Variants in PCDHGB1 observed in about 807,000 individuals in gnomAD.
The protein encoded by PCDHGB1 is protocadherin gamma subfamily B, 1.
A neutral mutation model predicts 56.6 loss-of-function variants in PCDHGB1; 34 were observed. That is an observed-to-expected ratio of 0.60 (90% CI 0.46 to 0.80). The LOEUF is 0.80. PCDHGB1 is among the 30% of genes least tolerant of loss of function. PCDHGB1 has a pLI of 0.00. For missense variants in PCDHGB1, 1,278 were observed against 1,204.6 expected, an observed-to-expected ratio of 1.06 and a Z score of -0.90; for synonymous variants, 561 against 505.9, an observed-to-expected ratio of 1.11 and a Z score of -1.46.
chr5:141,422,087 G>A, intron 1 of PCDHGB1: 6 of 1,611,966 alleles, frequency 3.7e-6, no homozygotes, highest in Non-Finnish European at 5.1e-6. Context: ...AACATGGAAA[G>A]CAAGGCTTCT....
At chr5:141,359,332 G>A (rs1761178840) in intron 1 of PCDHGB1, among the ~76,000 whole-genome samples, 1 of 152,092 alleles carries the variant, frequency 6.6e-6, no homozygotes, top group Non-Finnish European at 1.5e-5. Flanking sequence ...ATATATTCCA[G>A]AATGAGAGTG....
chr5:141,381,979 G>T (rs767842302), intron 1 of PCDHGB1, among the ~76,000 whole-genome samples: 1 of 151,486 alleles, frequency 6.6e-6, no homozygotes, highest in African/African-American at 2.4e-5. Context: ...ACAGGCGCGC[G>T]CCACCACGCC....
chr5:141,440,481 T>C (rs1451820594), intron 1 of PCDHGB1: 1 of 152,196 alleles, frequency 6.6e-6, no homozygotes, highest in African/African-American at 2.4e-5. Context: ...GAAAATTCTT[T>C]AAATGTTTTT....
chr5:141,405,704 C>T (rs1589592020), intron 1 of PCDHGB1, among the ~76,000 whole-genome samples: 1 of 152,286 alleles, frequency 6.6e-6, no homozygotes, highest in East Asian at 1.9e-4. Context: ...TCTTGAATTC[C>T]TAACCTCAAG....
intron 1 of PCDHGB1, chr5:141,372,315 C>A (rs1444112616): frequency 6.2e-7 from 1 of 1,613,564 alleles, no homozygotes; most frequent in Non-Finnish European, 8.5e-7. Context: ...CGCCCGCCAG[C>A]GCCTGCTGGT....
chr5:141,383,949 G>A (rs538018556), intron 1 of PCDHGB1: 18 of 1,613,702 alleles, frequency 1.1e-5, no homozygotes, highest in Non-Finnish European at 1.3e-5. Flanking sequence ...TGACTATGAC[G>A]TCTTTAAGTA....
intron 3 of PCDHGB1, chr5:141,508,127 G>A (rs1220643878): frequency 6.6e-6 from 1 of 152,628 alleles, no homozygotes; most frequent in Non-Finnish European, 1.5e-5. Context: ...ACAGAGGGAG[G>A]TCAGGGAGCT....
In PCDHGB1 at chr5:141,485,089, G is replaced by C; in HGVS notation, c.2410-9718G>C. 9.7e-7 allele frequency: 1 copy of C among 1,027,236 alleles called. No individual in the cohort carries two copies. The highest frequency in any genetic ancestry group is 1.5e-6 in the Non-Finnish European group (1 of 674,564). The allele number at this position is 1,027,236 out of a possible 1,614,324, so 63.6% of individuals were successfully genotyped here. On this transcript the variant is annotated intron_variant, in intron 1 of 3. Coordinates refer to ENST00000523390, the MANE Select transcript of PCDHGB1 (RefSeq NM_018922.3). This position sits in a 1 kb window ranked among gnomAD's most constrained non-coding sequence, Gnocchi z 5.7. ...GAGCTGGCGCGGGGAAAGGGAGATA[G>C]GTGTCTCCAGCTGCTGTGGCTGTTT... is the stretch of plus-strand genomic sequence containing the variant.
chr5:141,374,456 G>A, intron 1 of PCDHGB1: 2 of 1,613,432 alleles, frequency 1.2e-6, no homozygotes, highest in Non-Finnish European at 1.7e-6. Context: ...GGAAATAGTG[G>A]ACATTAATGA....
At chr5:141,356,760 C>T in intron 1 of PCDHGB1, 3 of 1,613,850 alleles carry the variant, frequency 1.9e-6, no homozygotes, top group Non-Finnish European at 2.5e-6. Flanking sequence ...TTTGCTCCTT[C>T]GACTATGAGC....
intron 1 of PCDHGB1, among the ~76,000 whole-genome samples, chr5:141,354,139 A>G (rs539283050): frequency 1.3e-5 from 2 of 152,336 alleles, no homozygotes; most frequent in Admixed American, 1.3e-4. Context: ...GTAAAATAAT[A>G]CTGAATGTGT....
chr5:141,413,051 C>T (rs1316813444), intron 1 of PCDHGB1: 1 of 952,822 alleles, frequency 1.0e-6, no homozygotes, highest in African/African-American at 1.7e-5. Context: ...TGCAGGGAAG[C>T]TCACTCCAGA....
intron 1 of PCDHGB1, chr5:141,366,751 G>T: frequency 6.2e-7 from 1 of 1,607,656 alleles, no homozygotes; most frequent in Non-Finnish European, 8.5e-7. Context: ...GGCGAGTTCA[G>T]GTTAGTTTTC....
chr5:141,477,063 A>G lies in PCDHGB1; in HGVS notation c.2410-17744A>G, dbSNP rs2099404387. 6.2e-7 allele frequency: 1 copy of G among 1,614,248 alleles called. No individual in the cohort carries two copies. On this transcript the variant is annotated intron_variant, in intron 1 of 3. Coordinates refer to ENST00000523390, the MANE Select transcript of PCDHGB1 (RefSeq NM_018922.3). The surrounding 1 kb of genome is among the most constrained non-coding windows in gnomAD (Gnocchi z 4.9). Reference sequence around the variant, plus strand: ...GGTCGGCTGGACTTCGAGGACACCAAACTCCATGAGATTTACATCCAGGCC... The same window carrying G: ...GGTCGGCTGGACTTCGAGGACACCAGACTCCATGAGATTTACATCCAGGCC...
At chr5:141,360,685 C>G (rs1174520125) in intron 1 of PCDHGB1, 2 of 1,613,986 alleles carry the variant, frequency 1.2e-6, no homozygotes, top group Non-Finnish European at 1.7e-6. Context: ...CGCTGAGAAA[C>G]AGACTCCAGA....
Position 141,350,422 on chromosome 5 carries a change from C to T in PCDHGB1, c.162C>T (p.Leu54=). 1 of 1,607,112 alleles carries T rather than the reference C, an allele frequency of 6.2e-7. No individual in the cohort carries two copies. The highest frequency in any genetic ancestry group is 8.5e-7 in the Non-Finnish European group (1 of 1,174,504). Residue 54 remains leucine (L), a synonymous_variant, in exon 1 of 4, where the codon CTC becomes CTT. Coordinates refer to ENST00000523390, the MANE Select transcript of PCDHGB1 (RefSeq NM_018922.3). ...RVGKLAKDLG[L]SVRELPTRKL... is the part of the protein sequence containing the mutation. The stretch of plus-strand genomic sequence containing the variant: ...GGAAACTTGCCAAGGATCTGGGGCT[C>T]AGTGTCCGGGAGTTGCCAACTCGAA...
At chr5:141,415,885 C>G in intron 1 of PCDHGB1, 2 of 979,016 alleles carry the variant, frequency 2.0e-6, no homozygotes, top group Non-Finnish European at 2.7e-6. Flanking sequence ...ACAATATTGA[C>G]AATTCCTAAG....
Position 141,431,677 on chromosome 5 carries a change from G to T in PCDHGB1, c.2410-63130G>T. The T allele has an allele frequency of 1.2e-6, 2 of 1,614,236 alleles. No homozygotes were observed. Among genetic ancestry groups the T allele is most frequent in the Non-Finnish European group, 1.7e-6 (2 of 1,180,050 alleles). ...CAGGGACAATATCAACAATAGGGGAGTTGGACCACGAGGAGTCAGGATTCT... is the reference window on the plus strand; with the variant it reads ...CAGGGACAATATCAACAATAGGGGATTTGGACCACGAGGAGTCAGGATTCT... On this transcript the variant is annotated intron_variant, in intron 1 of 3. Coordinates refer to ENST00000523390, the MANE Select transcript of PCDHGB1 (RefSeq NM_018922.3). The surrounding 1 kb of genome is among the most constrained non-coding windows in gnomAD (Gnocchi z 4.8).
chr5:141,432,652 C>T lies in PCDHGB1; in HGVS notation c.2410-62155C>T, dbSNP rs1004936183. On this transcript the variant is annotated intron_variant, in intron 1 of 3. Transcript: ENST00000523390. This position sits in a 1 kb window ranked among gnomAD's most constrained non-coding sequence, Gnocchi z 6.0. ...CGGGCGAGGTGCGCACGGCGCGAGC[C>T]CTGCTGGACAGAGACGCGCTCAAGC... The T allele has an allele frequency of 6.2e-7, 1 of 1,613,836 alleles. No individual in the cohort carries two copies. Among genetic ancestry groups the T allele is most frequent in the East Asian group, 2.2e-5 (1 of 44,860 alleles).
Sources: gnomAD v4.1 joint callset for allele counts (sites outside exome capture counted in the v4.1 genomes callset) on GRCh38, gnomAD v4.1.1 for gene constraint, Gnocchi (gnomAD v3.1) non-coding constraint, MANE v1.5 for transcripts, NCBI Gene and HGNC (gene_info 2026-07-23, HGNC 2026-07-21) for gene names.